ST7: variants seen among roughly 807,000 people sequenced by gnomAD.
The protein encoded by ST7 is suppression of tumorigenicity 7.
A neutral mutation model predicts 78.7 loss-of-function variants in ST7; 28 were observed. The observed-to-expected ratio is 0.36, with a 90% confidence interval of 0.26 to 0.49. ST7 has a LOEUF of 0.49. Among genes scored for constraint, ST7 ranks in the 20% least tolerant of loss-of-function variants. ST7 has a pLI of 0.99. For synonymous variants in ST7, 247 were observed against 249.6 expected (o/e 0.99, Z 0.10); for missense variants, 418 against 696.0 (o/e 0.60, Z 4.49).
At chr7:117,173,740 A>G (rs2117283453) in intron 10 of ST7, among the ~76,000 whole-genome samples, 1 of 152,166 alleles carries the variant, frequency 6.6e-6, no homozygotes, top group Non-Finnish European at 1.5e-5. Flanking sequence ...CTTTTTACTA[A>G]TTGGAATGCT....
intron 1 of ST7, among the ~76,000 whole-genome samples, chr7:117,005,599 G>C (rs1293498175): frequency 1.3e-5 from 2 of 152,160 alleles, no homozygotes; most frequent in Non-Finnish European, 2.9e-5. Context: ...CACACTTCCT[G>C]CCCAAGTGCT....
intron 1 of ST7, chr7:116,972,143 C>CA (rs1164174793): frequency 3.6e-6 from 2 of 554,266 alleles, no homozygotes; most frequent in Non-Finnish European, 7.1e-6. Context: ...GGAGGAGCAG[C>CA]AGCAGGGTGG....
chr7:117,061,849 A>G (rs1798374286), intron 1 of ST7, among the ~76,000 whole-genome samples: 2 of 152,188 alleles, frequency 1.3e-5, no homozygotes, highest in Non-Finnish European at 2.9e-5. Context: ...ATCTAAGCAC[A>G]TTTTCAGATT....
At chr7:116,956,400 G>A (rs1271346737) in intron 1 of ST7, 1 of 458,242 alleles carries the variant, frequency 2.2e-6, no homozygotes, top group Non-Finnish European at 4.5e-6. Context: ...AGTTCTAACG[G>A]GACTAACTTT....
At chr7:117,069,920 T>A (rs1349107880) in intron 1 of ST7, among the ~76,000 whole-genome samples, 1 of 152,216 alleles carries the variant, frequency 6.6e-6, no homozygotes, top group Non-Finnish European at 1.5e-5. Context: ...TCCTTTTAAA[T>A]TAGGTTAATT....
At chr7:116,986,774 G>A (rs1381703908) in intron 1 of ST7, among the ~76,000 whole-genome samples, 1 of 152,140 alleles carries the variant, frequency 6.6e-6, no homozygotes, top group Non-Finnish European at 1.5e-5. Flanking sequence ...TAGAGAGAGA[G>A]AGATTTCAGA....
At chr7:117,129,954 A>C (rs906238854) in intron 4 of ST7, 107 bp downstream of exon 4, 1 of 762,178 alleles carries the variant, frequency 1.3e-6, no homozygotes, top group East Asian at 2.7e-5. Context: ...CAGTCTATGT[A>C]GTGCGTCCAT....
Position 117,138,426 on chromosome 7 carries a change from C to T in ST7, c.866-9C>T. 2 of 1,575,730 alleles carry T rather than the reference C, an allele frequency of 1.3e-6. No homozygotes were observed. The highest frequency in any genetic ancestry group is 1.7e-6 in the Non-Finnish European group (2 of 1,157,096). ...TTTAAATGTTGGTGTTTTATATCTC[C>T]CTCTTCAGGACGAGACACCAATGTC... On this transcript the variant is annotated splice_polypyrimidine_tract_variant and intron_variant, in intron 8 of 15. Transcript: ENST00000323984.
intron 1 of ST7, among the ~76,000 whole-genome samples, chr7:117,008,575 A>G (rs1795251008): frequency 6.6e-6 from 1 of 152,232 alleles, no homozygotes; most frequent in South Asian, 2.1e-4. Flanking sequence ...GTAGTTGACA[A>G]TTTCTCAGAA....
chr7:117,229,691 G>A (rs1793669517), intron 15 of ST7, 71 bp from the exon 16 acceptor site: 2 of 1,241,484 alleles, frequency 1.6e-6, no homozygotes, highest in African/African-American at 1.5e-5. Context: ...GCAAGCGTGG[G>A]TGGAGAGGTT....
chr7:117,110,942 C>T (rs1253385069), intron 2 of ST7, among the ~76,000 whole-genome samples: 3 of 152,132 alleles, frequency 2.0e-5, no homozygotes, highest in African/African-American at 4.8e-5. Context: ...AGGATGCTTC[C>T]GACTGATAGG....
chr7:117,114,419 T>C (rs1167809628), intron 2 of ST7, among the ~76,000 whole-genome samples: 2 of 151,068 alleles, frequency 1.3e-5, no homozygotes, highest in Admixed American at 1.3e-4. Context: ...AAAAAAAAAC[T>C]GTTTACCACC....
At chr7:117,029,079 T>A (rs1468277907) in intron 1 of ST7, among the ~76,000 whole-genome samples, 1 of 152,222 alleles carries the variant, frequency 6.6e-6, no homozygotes, top group Non-Finnish European at 1.5e-5. Context: ...ATATGCTGCA[T>A]ATATAAATAT....
At chr7:117,146,573 A>C (rs1191473844) in intron 9 of ST7, 2 of 152,294 alleles carry the variant, frequency 1.3e-5, no homozygotes, top group East Asian at 3.8e-4. Flanking sequence ...CTCTTGTATT[A>C]ATCTTGGCAA....
At chr7:116,996,273 G>A (rs891759359) in intron 1 of ST7, among the ~76,000 whole-genome samples, 4 of 152,020 alleles carry the variant, frequency 2.6e-5, no homozygotes, top group African/African-American at 9.7e-5. Context: ...AGTAGAGATG[G>A]GGTTTCACTG....
chr7:116,972,664 G>GT (rs1793488792), intron 1 of ST7: 1 of 1,115,982 alleles, frequency 9.0e-7, no homozygotes. Context: ...CTCATCAGCA[G>GT]TTTTTTCCGC....
intron 13 of ST7, among the ~76,000 whole-genome samples, chr7:117,217,340 C>A (rs1482647906): frequency 4.0e-5 from 6 of 150,102 alleles, no homozygotes; most frequent in African/African-American, 1.5e-4. Context: ...CCACATTTTT[C>A]AGATGCTTTT....
At chr7:117,067,107 T>C (rs913180086) in intron 1 of ST7, among the ~76,000 whole-genome samples, 2 of 152,212 alleles carry the variant, frequency 1.3e-5, no homozygotes, top group Non-Finnish European at 2.9e-5. Context: ...TATTTTATTA[T>C]ATGGATATAC....
chr7:117,118,132 T>A (rs1198437663), intron 2 of ST7: 1 of 153,204 alleles, frequency 6.5e-6, no homozygotes, highest in African/African-American at 2.4e-5. Flanking sequence ...AAATCTGAAA[T>A]CTTAAGTGCT....
Sources: allele counts gnomAD v4.1 joint callset (sites outside exome capture counted in the v4.1 genomes callset), GRCh38; gene constraint gnomAD v4.1.1; transcripts MANE v1.5; gene names NCBI Gene and HGNC (gene_info 2026-07-23, HGNC 2026-07-21).